The following TMEM59 variants were observed in gnomAD, a reference collection of about 807,000 sequenced individuals.
The protein encoded by TMEM59 is transmembrane protein 59, also known as dendritic cell factor 1.
A neutral mutation model predicts 42.2 loss-of-function variants in TMEM59; 44 were observed. That is an observed-to-expected ratio of 1.04 (90% CI 0.82 to 1.34). The LOEUF (loss-of-function observed/expected upper bound fraction) is 1.34, where lower values mean the gene tolerates loss of function less well. TMEM59 is among the 40% of genes most tolerant of loss of function. The pLI, the probability that TMEM59 is intolerant of heterozygous loss-of-function variation, is 0.00. For synonymous variants in TMEM59, 148 were observed against 145.8 expected (o/e 1.02, Z -0.11); for missense variants, 359 against 382.8 (o/e 0.94, Z 0.52).
intron 1 of TMEM59, among the ~76,000 whole-genome samples, chr1:54,048,983 A>G (rs777555136): frequency 8.5e-5 from 13 of 152,226 alleles, no homozygotes; most frequent in African/African-American, 2.4e-4. Context: ...GAATTATTTT[A>G]TGTCTCTGGA....
At chr1:54,047,162 T>C (rs1281102048) in intron 2 of TMEM59, 105 bp downstream of exon 2, 1 of 838,784 alleles carries the variant, frequency 1.2e-6, no homozygotes, top group Non-Finnish European at 1.8e-6. Flanking sequence ...GTTAGATGAC[T>C]AGTTTCAACA....
intron 5 of TMEM59, among the ~76,000 whole-genome samples, chr1:54,041,436 A>T (rs780582813): frequency 5.3e-5 from 8 of 152,366 alleles, no homozygotes; most frequent in African/African-American, 1.9e-4. Flanking sequence ...AGTGATTTTC[A>T]AAGTGTGGCC....
In TMEM59 at chr1:54,047,258, G is replaced by A. The variant is rs372784785; in HGVS notation, c.295+9C>T. 1.2e-6 allele frequency: 2 copies of A among 1,604,004 alleles called. No homozygotes were observed. The highest frequency in any genetic ancestry group is 1.7e-6 in the Non-Finnish European group (2 of 1,172,572). Reference sequence around the variant, plus strand: ...ACATACAGCTGATGTCGTTAGCATAGCATCTTACCAGATTCACATTCCAAT... The same window carrying A: ...ACATACAGCTGATGTCGTTAGCATAACATCTTACCAGATTCACATTCCAAT... On this transcript the variant is annotated intron_variant, in intron 2 of 7. Transcript: ENST00000234831.
chr1:54,050,863 TTTTTTA>T (rs1169364701), intron 1 of TMEM59, among the ~76,000 whole-genome samples: 4 of 146,884 alleles, frequency 2.7e-5, no homozygotes, highest in Admixed American at 1.4e-4. Flanking sequence ...CGCCCGGCAT[TTTTTTA>T]TTTTTATTTT....
At position 54,031,833 on chromosome 1, in the gene TMEM59, T is replaced by C. The variant is rs748231688; in HGVS notation, c.*317A>G. 16 of 182,902 alleles carry C rather than the reference T, an allele frequency of 8.7e-5. No individual in the cohort carries two copies. Among genetic ancestry groups the C allele is most frequent in the Non-Finnish European group, 1.4e-4 (12 of 88,248 alleles). The allele number at this position is 182,902 out of a possible 1,614,324, so 11.3% of individuals were successfully genotyped here. ...GCTTGTTAACTAAGGTAACTGACAG[T>C]ATCATGGCAGGAGGTGAGAAGGAGC... On this transcript the variant is annotated 3_prime_UTR_variant, in exon 8 of 8. Coordinates refer to ENST00000234831, the MANE Select transcript of TMEM59 (RefSeq NM_004872.5).
At chr1:54,042,235 C>T (rs1293252390) in intron 4 of TMEM59, among the ~76,000 whole-genome samples, 1 of 152,084 alleles carries the variant, frequency 6.6e-6, no homozygotes, top group Non-Finnish European at 1.5e-5. Context: ...ATATTCTTCC[C>T]TAAGTATGAG....
At chr1:54,042,081 G>C (rs1442715776) in intron 4 of TMEM59, among the ~76,000 whole-genome samples, 1 of 148,942 alleles carries the variant, frequency 6.7e-6, no homozygotes, top group African/African-American at 2.5e-5. Context: ...TAAAGGGAGA[G>C]AGGGACAAAT....
chr1:54,038,997 C>A (rs1329190103), intron 6 of TMEM59, among the ~76,000 whole-genome samples: 2 of 152,122 alleles, frequency 1.3e-5, no homozygotes, highest in Non-Finnish European at 1.5e-5. Flanking sequence ...GTGTGTGCCA[C>A]CATGTCCAGC....
At chr1:54,051,386 T>C (rs1308245810) in intron 1 of TMEM59, among the ~76,000 whole-genome samples, 1 of 152,186 alleles carries the variant, frequency 6.6e-6, no homozygotes, top group Admixed American at 6.5e-5. Flanking sequence ...TCTATATAAA[T>C]TTCAAGTCCA....
intron 6 of TMEM59, among the ~76,000 whole-genome samples, chr1:54,038,882 T>G (rs1657044296): frequency 6.6e-6 from 1 of 152,228 alleles, no homozygotes; most frequent in Non-Finnish European, 1.5e-5. Context: ...CAGTCTCGCT[T>G]TGTCACTCAG....
chr1:54,040,045 C>A (rs1002705322), intron 6 of TMEM59, among the ~76,000 whole-genome samples: 4 of 152,136 alleles, frequency 2.6e-5, no homozygotes, highest in Non-Finnish European at 5.9e-5. Flanking sequence ...GAATACAAAG[C>A]CCTTCTTAAT....
In TMEM59 at chr1:54,041,763, G is replaced by C. The variant is rs370414727; in HGVS notation, c.586C>G (p.Pro196Ala). ...IQYAPHLEQE[P>A]TNLRESSLSK... ...AGAGATGATTCTCTCAAATTTGTAG[G>C]CTCCTGCTCCAAATGTGGTGCGTAC... Residue 196 changes from proline to alanine, a missense_variant, in exon 5 of 8, where the codon CCT becomes GCT. Pro to Ala is a conservative substitution (Grantham distance 27). Transcript: ENST00000234831. 2 of 1,613,410 alleles carry C rather than the reference G, an allele frequency of 1.2e-6. No individual in the cohort carries two copies. Among genetic ancestry groups the C allele is most frequent in the Non-Finnish European group, 1.7e-6 (2 of 1,179,648 alleles).
intron 1 of TMEM59, chr1:54,048,658 C>T: frequency 2.2e-6 from 1 of 449,760 alleles, no homozygotes; most frequent in Non-Finnish European, 4.6e-6. Context: ...ACTATGTGAT[C>T]CACTGTGTAC....
In TMEM59 at chr1:54,041,664, C is replaced by A. The variant is rs139587347; in HGVS notation, c.625+60G>T. ...AGTGTAAAAACAAACATGACCAACTCTACTACAACCAGATTTGACTGCTAA... is the reference window on the plus strand; with the variant it reads ...AGTGTAAAAACAAACATGACCAACTATACTACAACCAGATTTGACTGCTAA... On this transcript the variant is annotated intron_variant, in intron 5 of 7. Coordinates refer to ENST00000234831, the MANE Select transcript of TMEM59 (RefSeq NM_004872.5). 14 of 1,378,606 alleles carry A rather than the reference C, an allele frequency of 1.0e-5. No individual in the cohort carries two copies. The Admixed American group carries it at 2.3e-4, about 23-fold the overall frequency. The allele number at this position is 1,378,606 out of a possible 1,614,324, so 85.4% of individuals were successfully genotyped here.
intron 6 of TMEM59, among the ~76,000 whole-genome samples, chr1:54,039,912 C>T (rs180721168): frequency 1.3e-5 from 2 of 152,142 alleles, no homozygotes; most frequent in East Asian, 3.9e-4. Context: ...ATAAAACCTG[C>T]CTCTCACCCT....
At chr1:54,038,691 C>T (rs1320037362) in intron 6 of TMEM59, among the ~76,000 whole-genome samples, 1 of 152,098 alleles carries the variant, frequency 6.6e-6, no homozygotes. Context: ...AGAAGATGTA[C>T]AGTTAGAAAA....
chr1:54,041,254 T>C (rs941420192), intron 5 of TMEM59, among the ~76,000 whole-genome samples: 8 of 152,242 alleles, frequency 5.3e-5, no homozygotes, highest in African/African-American at 1.4e-4. Flanking sequence ...TTTAGCTTGA[T>C]GTTTTATGTT....
Position 54,047,307 on chromosome 1 carries a change from A to G in TMEM59, c.255T>C (p.Asp85=). 1 of 1,614,016 alleles carries G rather than the reference A, an allele frequency of 6.2e-7. No homozygotes were observed. The highest frequency in any genetic ancestry group is 8.5e-7 in the Non-Finnish European group (1 of 1,179,942). ...ATTTAGTTCGATTTAAGTCAATTCC[A>G]TCATCCACAAACTGACAAATTGAAA... The part of the protein sequence containing the change: ...RLFSICQFVD[D]GIDLNRTKLE... The change falls in exon 2 of 8, where the codon GAT becomes GAC. Residue 85 remains aspartate, a synonymous_variant. Coordinates refer to ENST00000234831, the MANE Select transcript of TMEM59 (RefSeq NM_004872.5).
At chr1:54,039,561 G>C (rs1047492403) in intron 6 of TMEM59, among the ~76,000 whole-genome samples, 1 of 152,118 alleles carries the variant, frequency 6.6e-6, no homozygotes, top group Non-Finnish European at 1.5e-5. Context: ...TTAGTAAAAA[G>C]TATTAATTTG....
Sources: allele counts gnomAD v4.1 joint callset (sites outside exome capture counted in the v4.1 genomes callset), GRCh38; gene constraint gnomAD v4.1.1; transcripts MANE v1.5; gene names NCBI Gene and HGNC (gene_info 2026-07-23, HGNC 2026-07-21).